Variants in CIAO1 observed in about 807,000 individuals in gnomAD.
CIAO1 encodes the protein cytosolic iron-sulfur assembly component 1.
A neutral mutation model predicts 43.1 loss-of-function variants in CIAO1; 32 were observed. The observed-to-expected ratio is 0.74, with a 90% CI of 0.56 to 1.00. The LOEUF (loss-of-function observed/expected upper bound fraction) is 1.00. CIAO1 is among the 50% of genes least tolerant of loss of function. CIAO1 has a pLI of 0.00. For missense variants in CIAO1, 415 were observed against 437.4 expected, an observed-to-expected ratio of 0.95 and a Z score of 0.46; for synonymous variants, 183 against 171.4, an observed-to-expected ratio of 1.07 and a Z score of -0.53.
chr2:96,272,810 C>T lies in CIAO1; in HGVS notation c.*1459C>T, dbSNP rs1684579196. ...AGGCAACAAGAGTGAAACCCTGTCT[C>T]AAAAAGAAAAAAAAAGTTGACCTTG... On this transcript the variant is annotated 3_prime_UTR_variant, in exon 7 of 7. Coordinates refer to ENST00000488633, the MANE Select transcript of CIAO1 (RefSeq NM_004804.3). 1 of 151,350 alleles carries T rather than the reference C, an allele frequency of 6.6e-6. No individual in the cohort carries two copies. The highest frequency in any genetic ancestry group is 2.4e-5 in the African/African-American group (1 of 41,210). The allele number at this position is 151,350 out of a possible 1,614,324, so 9.4% of individuals were successfully genotyped here. A position where few individuals can be genotyped will look rare whatever the true frequency, so the allele number is the denominator to read the frequency against.
At chr2:96,269,129 A>T (rs1317948530) in intron 5 of CIAO1, 139 bp from the exon 6 acceptor site, 3 of 719,536 alleles carry the variant, frequency 4.2e-6, no homozygotes, top group Non-Finnish European at 2.5e-6. Context: ...TGTAAGGCAG[A>T]TAAGCAGGGA....
At position 96,271,986 on chromosome 2, in the gene CIAO1, T is replaced by G. The variant is rs1369887093; in HGVS notation, c.*635T>G. The G allele has an allele frequency of 6.6e-6, 1 of 152,074 alleles. No individual in the cohort carries two copies. The highest frequency in any genetic ancestry group is 1.5e-5 in the Non-Finnish European group (1 of 68,094). The allele number at this position is 152,074 out of a possible 1,614,324, so 9.4% of individuals were successfully genotyped here. ...AAGACAGGAATCCTAAAAGGGAGAGTTATTACTGGCCACAAGCCCTGTATT... is the reference window on the plus strand; with the variant it reads ...AAGACAGGAATCCTAAAAGGGAGAGGTATTACTGGCCACAAGCCCTGTATT... On this transcript the variant is annotated 3_prime_UTR_variant, in exon 7 of 7. Coordinates refer to ENST00000488633, the MANE Select transcript of CIAO1 (RefSeq NM_004804.3).
At chr2:96,269,056 C>G in intron 5 of CIAO1, 1 of 607,276 alleles carries the variant, frequency 1.6e-6, no homozygotes, top group Non-Finnish European at 2.9e-6. Context: ...TACATACAGT[C>G]TGCAACAGAA....
At chr2:96,269,243 A>C in intron 5 of CIAO1, 25 bp from the exon 6 acceptor site, 1 of 1,605,288 alleles carries the variant, frequency 6.2e-7, no homozygotes, top group Non-Finnish European at 8.5e-7. Flanking sequence ...GGAACGTTTA[A>C]GGGCAAGAGA....
At position 96,272,559 on chromosome 2, in the gene CIAO1, C is replaced by G. The variant is rs1349122402; in HGVS notation, c.*1208C>G. On this transcript the variant is annotated 3_prime_UTR_variant, in exon 7 of 7. Coordinates refer to ENST00000488633, the MANE Select transcript of CIAO1 (RefSeq NM_004804.3). ...AGCGCAGTGGCTCATGCCTGTAATCCCAGCACTTTGGGAGGCTGAGGCGGG... is the reference window on the plus strand; with the variant it reads ...AGCGCAGTGGCTCATGCCTGTAATCGCAGCACTTTGGGAGGCTGAGGCGGG... 2.6e-5 allele frequency: 4 copies of G among 152,216 alleles called. No homozygotes were observed. Among genetic ancestry groups the G allele is most frequent in the Non-Finnish European group, 4.4e-5 (3 of 68,106 alleles). The allele number at this position is 152,216 out of a possible 1,614,324, so 9.4% of individuals were successfully genotyped here. A position where few individuals can be genotyped will look rare whatever the true frequency, so the allele number is the denominator to read the frequency against.
At position 96,267,912 on chromosome 2, in the gene CIAO1, C is replaced by T. The variant is rs1684469539; in HGVS notation, c.477C>T (p.His159=). ...AGGATGTCAAGCATGTGGTTTGGCA[C>T]CCAAGTCAGGAGGTAAGAGTCAAGC... The part of the protein sequence containing the change: ...HTQDVKHVVW[H]PSQELLASAS... The change falls in exon 4 of 7, where the codon CAC becomes CAT. Residue 159 remains histidine, a synonymous_variant. Transcript: ENST00000488633. The T allele has an allele frequency of 1.9e-6, 3 of 1,613,982 alleles. No individual in the cohort carries two copies. Among genetic ancestry groups the T allele is most frequent in the East Asian group, 2.2e-5 (1 of 44,886 alleles).
Position 96,271,709 on chromosome 2 carries a change from A to G in CIAO1, c.*358A>G, listed in dbSNP as rs994654633. 2 of 171,852 alleles carry G rather than the reference A, an allele frequency of 1.2e-5. No homozygotes were observed. Among genetic ancestry groups the G allele is most frequent in the East Asian group, 1.6e-4 (1 of 6,212 alleles). The allele number at this position is 171,852 out of a possible 1,614,324, so 10.6% of individuals were successfully genotyped here. On this transcript the variant is annotated 3_prime_UTR_variant, in exon 7 of 7. Coordinates refer to ENST00000488633, the MANE Select transcript of CIAO1 (RefSeq NM_004804.3). The stretch of plus-strand genomic sequence containing the variant: ...GTTGCAAGACTTAAAGAAATAATCC[A>G]TCTGCATCCCAAGTCCTATTTTATA...
In CIAO1 at chr2:96,268,659, G is replaced by GT. The variant is rs1553438155; in HGVS notation, c.691+2dup. On this transcript the variant is annotated splice_donor_variant, in intron 5 of 6. Transcript: ENST00000488633. LOFTEE classifies it high-confidence loss of function. Reference sequence around the variant, plus strand: ...CAGTATCTACCAGGCAATGAACAAGGTGAGGTCCATTAGTAGAGCTAAAGA... The same window carrying GT: ...CAGTATCTACCAGGCAATGAACAAGGTTGAGGTCCATTAGTAGAGCTAAAGA... 1 of 1,613,994 alleles carries GT rather than the reference G, an allele frequency of 6.2e-7. No homozygotes were observed. Among genetic ancestry groups the GT allele is most frequent in the Non-Finnish European group, 8.5e-7 (1 of 1,179,988 alleles).
At chr2:96,268,341 A>G in intron 4 of CIAO1, 116 bp from the exon 5 acceptor site, 1 of 900,994 alleles carries the variant, frequency 1.1e-6, no homozygotes, top group Non-Finnish European at 1.7e-6. Context: ...AACAACAGCA[A>G]ACTTCATCTC....
Position 96,271,480 on chromosome 2 carries a change from G to A in CIAO1, c.*129G>A, listed in dbSNP as rs969395250. ...CTTGGCTCACTTCTCTTCAGACTTGGGTAGAAGTGCAGAGCCACAGAATTG... is the reference window on the plus strand; with the variant it reads ...CTTGGCTCACTTCTCTTCAGACTTGAGTAGAAGTGCAGAGCCACAGAATTG... On this transcript the variant is annotated 3_prime_UTR_variant, in exon 7 of 7. Coordinates refer to ENST00000488633, the MANE Select transcript of CIAO1 (RefSeq NM_004804.3). 2.6e-6 allele frequency: 3 copies of A among 1,169,162 alleles called. No individual in the cohort carries two copies. Among genetic ancestry groups the A allele is most frequent in the African/African-American group, 3.1e-5 (2 of 64,850 alleles). The allele number at this position is 1,169,162 out of a possible 1,614,324, so 72.4% of individuals were successfully genotyped here.
Position 96,273,185 on chromosome 2 carries a change from T to G in CIAO1, c.*1834T>G, listed in dbSNP as rs1207973342. 1.3e-5 allele frequency: 2 copies of G among 152,240 alleles called. No homozygotes were observed. The allele number at this position is 152,240 out of a possible 1,614,324, so 9.4% of individuals were successfully genotyped here. On this transcript the variant is annotated 3_prime_UTR_variant, in exon 7 of 7. Transcript: ENST00000488633. Reference sequence around the variant, plus strand: ...ATATTAACAAATGTGATTTGTATAATGAAATGCATTTCATTTGGAAGAATT... The same window carrying G: ...ATATTAACAAATGTGATTTGTATAAGGAAATGCATTTCATTTGGAAGAATT...
chr2:96,270,384 T>G (rs1044593225), intron 6 of CIAO1, among the ~76,000 whole-genome samples: 2 of 151,662 alleles, frequency 1.3e-5, no homozygotes, highest in Non-Finnish European at 1.5e-5. Context: ...ACGCACCCAA[T>G]CCCAGCTACT....
chr2:96,270,244 C>T (rs1181288267), intron 6 of CIAO1, among the ~76,000 whole-genome samples: 3 of 152,124 alleles, frequency 2.0e-5, no homozygotes, highest in Non-Finnish European at 4.4e-5. Flanking sequence ...CTGTGGCTCA[C>T]GCCTGTAATC....
chr2:96,266,533 A>G, intron 1 of CIAO1, 44 bp downstream of exon 1: 1 of 1,378,528 alleles, frequency 7.3e-7, no homozygotes, highest in Non-Finnish European at 9.5e-7. Flanking sequence ...CTGAGGGCTC[A>G]GCCTGCGCGT....
chr2:96,267,290 C>T, intron 1 of CIAO1, 31 bp from the exon 2 acceptor site: 1 of 1,595,568 alleles, frequency 6.3e-7, no homozygotes, highest in Non-Finnish European at 8.6e-7. Flanking sequence ...CTGCACCCAG[C>T]TCCAGAGCCT....
rs371499283 is a variant in CIAO1 at position 96,271,163 on chromosome 2, G to A, written c.832G>A (p.Val278Met). ...ATACGDDAIR[V>M]FQEDPNSDPQ... ...AGCTTGTGGGGATGACGCGATCCGC[G>A]TGTTTCAGGAGGATCCCAACTCGGA... The change falls in exon 7 of 7, where the codon GTG becomes ATG. Residue 278 changes from valine (V) to methionine (M), a missense_variant. By Grantham distance (21) the Val-to-Met change is conservative. Transcript: ENST00000488633. 5 of 1,614,086 alleles carry A rather than the reference G, an allele frequency of 3.1e-6. No individual in the cohort carries two copies. The African/African-American group carries it at 4.0e-5, about 13-fold the overall frequency.
At position 96,273,539 on chromosome 2, in the gene CIAO1, T is replaced by G. The variant is rs1280566793; in HGVS notation, c.*2188T>G. Among the ~76,000 whole-genome samples the G allele has an allele frequency of 1.3e-5, 2 of 151,874 alleles. No homozygotes were observed. The highest frequency in any genetic ancestry group is 4.8e-5 in the African/African-American group (2 of 41,322). On this transcript the variant is annotated 3_prime_UTR_variant, in exon 7 of 7. Coordinates refer to ENST00000488633, the MANE Select transcript of CIAO1 (RefSeq NM_004804.3). ...TAGCCGGGCGTGGTGGCAGATCCCT[T>G]GTAGTCCCAGCTACTCGGGAGGCTG...
chr2:96,269,197 G>GT, intron 5 of CIAO1, 71 bp from the exon 6 acceptor site: 1 of 1,312,620 alleles, frequency 7.6e-7, no homozygotes, highest in African/African-American at 1.4e-5. Context: ...GTGAGGGAAG[G>GT]TAAGTTAGGT....
At chr2:96,267,181 C>A in intron 1 of CIAO1, 140 bp from the exon 2 acceptor site, 58 of 281,590 alleles carry the variant, frequency 2.1e-4, no homozygotes, top group East Asian at 5.5e-4. Flanking sequence ...GAAGTAGATT[C>A]ATTTGCATCT....
Sources: gnomAD v4.1 joint callset for allele counts (sites outside exome capture counted in the v4.1 genomes callset) on GRCh38, gnomAD v4.1.1 for gene constraint, MANE v1.5 for transcripts, NCBI Gene and HGNC (gene_info 2026-07-23, HGNC 2026-07-21) for gene names.